PRAMEF4: variants seen among roughly 807,000 people sequenced by gnomAD.
PRAMEF4 encodes RP5-845O24.6.
In PRAMEF4, 18 loss-of-function variants were observed where a neutral mutation model predicts 34.4. That is an observed-to-expected ratio of 0.52 (90% CI 0.36 to 0.78). The LOEUF (loss-of-function observed/expected upper bound fraction) is 0.78. Among genes scored for constraint, PRAMEF4 ranks in the 30% least tolerant of loss-of-function variants. PRAMEF4 has a pLI of 0.00. For synonymous variants in PRAMEF4, 156 were observed against 219.3 expected (o/e 0.71, Z 2.55); for missense variants, 482 against 569.1 (o/e 0.85, Z 1.56).
At chr1:12,885,029 A>G (rs1569888474) in intron 1 of PRAMEF4, among the ~76,000 whole-genome samples, 1 of 150,604 alleles carries the variant, frequency 6.6e-6, no homozygotes, top group East Asian at 1.9e-4. Context: ...AAATTTATCA[A>G]AATATTTCAG....
At chr1:12,884,683 C>A (rs1472799858) in intron 1 of PRAMEF4, among the ~76,000 whole-genome samples, 1 of 147,568 alleles carries the variant, frequency 6.8e-6, no homozygotes, top group Non-Finnish European at 1.5e-5. Flanking sequence ...CCACTCCACT[C>A]CAGCCTGGGA....
At position 12,882,604 on chromosome 1, in the gene PRAMEF4, T is replaced by G. The variant is rs1457973465; in HGVS notation, c.294-169A>C. On this transcript the variant is annotated intron_variant, in intron 2 of 3. Transcript: ENST00000235349. Reference sequence around the variant, plus strand: ...CCCACTTCCACATTGTTTTGTTTTTTTTTTGAGACCAAGTCTCCCTGTGTC... The same window carrying G: ...CCCACTTCCACATTGTTTTGTTTTTGTTTTGAGACCAAGTCTCCCTGTGTC... 1.4e-5 allele frequency among the ~76,000 whole-genome samples: 2 copies of G among 147,320 alleles called. 1 individual carries two copies. The highest frequency in any genetic ancestry group is 3.0e-5 in the Non-Finnish European group (2 of 67,082).
chr1:12,880,576 A>C (rs559704419), intron 3 of PRAMEF4, among the ~76,000 whole-genome samples: 1 of 127,514 alleles, frequency 7.8e-6, no homozygotes, highest in South Asian at 2.5e-4. Context: ...ACTCTGTATT[A>C]AAAAAAAAAA....
chr1:12,884,987 A>C (rs1640972201), intron 1 of PRAMEF4, among the ~76,000 whole-genome samples: 1 of 150,516 alleles, frequency 6.6e-6, no homozygotes, highest in Non-Finnish European at 1.5e-5. Flanking sequence ...AAAACTTGAA[A>C]GTATCTTTGT....
rs200719928 is a variant in PRAMEF4 at position 12,882,629 on chromosome 1, C to T, written c.294-194G>A. On this transcript the variant is annotated intron_variant, in intron 2 of 3. Coordinates refer to ENST00000235349, the MANE Select transcript of PRAMEF4 (RefSeq NM_001009611.4). ...TTTTTGAGACCAAGTCTCCCTGTGT[C>T]GCCCAGGCTAGAGTGCAGTGGTGTG... 3.8e-4 allele frequency among the ~76,000 whole-genome samples: 56 copies of T among 147,358 alleles called. 4 individuals carry two copies. In the East Asian group the frequency reaches 0.011, roughly 28 times the overall value.
chr1:12,884,936 G>C (rs958399755), intron 1 of PRAMEF4, among the ~76,000 whole-genome samples: 1 of 150,192 alleles, frequency 6.7e-6, no homozygotes, highest in African/African-American at 2.5e-5. Flanking sequence ...TGTGAGACAG[G>C]GAAGGGTTGA....
rs769892351 is a variant in PRAMEF4 at position 12,881,977 on chromosome 1, G to A, written c.752C>T (p.Ser251Phe). The A allele has an allele frequency of 1.9e-6, 3 of 1,587,264 alleles. No individual in the cohort carries two copies. The highest frequency in any genetic ancestry group is 4.5e-5 in the East Asian group (2 of 44,260). Residue 251 changes from serine to phenylalanine, a missense_variant, in exon 3 of 4, where the codon TCC becomes TTC. Transcript: ENST00000235349. ...AACAATCTCCTTCTTCTGCTCTGGGGAAACGTAGCGAGAGACATCCATGTG... is the reference window on the plus strand; with the variant it reads ...AACAATCTCCTTCTTCTGCTCTGGGAAAACGTAGCGAGAGACATCCATGTG... The part of the protein sequence containing the change: ...LSHMDVSRYV[S>F]PEQKKEIVTQ...
At chr1:12,883,480 A>T in intron 1 of PRAMEF4, 70 bp from the exon 2 acceptor site, 1 of 1,580,766 alleles carries the variant, frequency 6.3e-7, no homozygotes, top group South Asian at 1.1e-5. Context: ...ATCCTCTCCT[A>T]TGGCCAAACT....
rs1487540817 is a variant in PRAMEF4, at chr1:12,883,493, C to G, written c.-16-83G>C. 70 of 1,553,996 alleles carry G rather than the reference C, an allele frequency of 4.5e-5. 4 individuals carry two copies. The highest frequency in any genetic ancestry group is 6.1e-5 in the Non-Finnish European group (70 of 1,143,492). ...TCATCCTCTCCTATGGCCAAACTCA[C>G]TGCTCTGGCAATGGTGAAAGAGTCC... On this transcript the variant is annotated intron_variant, in intron 1 of 3. Transcript: ENST00000235349.
chr1:12,882,996 T>C, intron 2 of PRAMEF4, 106 bp downstream of exon 2: 2 of 1,510,386 alleles, frequency 1.3e-6, no homozygotes, highest in Non-Finnish European at 9.0e-7. Context: ...CCTCTCGGCT[T>C]CCTCACCACC....
chr1:12,883,135 A>C lies in PRAMEF4; in HGVS notation c.260T>G (p.Leu87Arg). 1 of 1,601,584 alleles carries C rather than the reference A, an allele frequency of 6.2e-7. No individual in the cohort carries two copies. The highest frequency in any genetic ancestry group is 8.5e-7 in the Non-Finnish European group (1 of 1,174,252). The change falls in exon 2 of 4, where the codon CTG (leucine) becomes CGG (arginine). Residue 87 changes from leucine (L) to arginine (R), a missense_variant. This residue lies in a region of PRAMEF4 where 172 missense variants were observed against 130.2 expected (regional missense o/e 1.32). Transcript: ENST00000235349. ...LEAFQAVLDG[L>R]DALLNLGVRP... Reference sequence around the variant, plus strand: ...AACCCCTAGGTTAAGCAGTGCATCCAGCCCATCGAGCACAGCTTGGAAGGC... The same window carrying C: ...AACCCCTAGGTTAAGCAGTGCATCCCGCCCATCGAGCACAGCTTGGAAGGC...
chr1:12,883,477 C>A, intron 1 of PRAMEF4, 67 bp from the exon 2 acceptor site: 1 of 1,584,852 alleles, frequency 6.3e-7, no homozygotes, highest in Non-Finnish European at 8.6e-7. Context: ...CTCATCCTCT[C>A]CTATGGCCAA....
intron 3 of PRAMEF4, among the ~76,000 whole-genome samples, chr1:12,880,498 C>T (rs1482571651): frequency 2.0e-5 from 3 of 150,126 alleles, no homozygotes; most frequent in Non-Finnish European, 4.4e-5. Flanking sequence ...ATCGCTTGAA[C>T]CCAGGAGGTG....
intron 3 of PRAMEF4, among the ~76,000 whole-genome samples, chr1:12,881,485 ACTC>A (rs1375887683): frequency 1.3e-5 from 2 of 148,532 alleles, no homozygotes; most frequent in Non-Finnish European, 3.0e-5. Flanking sequence ...CTTGCCTCAG[ACTC>A]CCAAAGTGAT....
chr1:12,879,669 C>A lies in PRAMEF4; in HGVS notation c.1312G>T (p.Ala438Ser). 1.3e-6 allele frequency: 2 copies of A among 1,599,854 alleles called. No homozygotes were observed. Among genetic ancestry groups the A allele is most frequent in the Non-Finnish European group, 8.5e-7 (1 of 1,174,092 alleles). The change falls in exon 4 of 4, where the codon GCT (alanine) becomes TCT (serine). Residue 438 changes from alanine to serine, a missense_variant. Ala to Ser is a moderately conservative substitution (Grantham distance 99, BLOSUM62 1). Coordinates refer to ENST00000235349, the MANE Select transcript of PRAMEF4 (RefSeq NM_001009611.4). Reference protein sequence around the residue: ...LCWSRFAQIRAELMNRVRDLR... With the variant: ...LCWSRFAQIRSELMNRVRDLR... Reference sequence around the variant, plus strand: ...TCCCTCACTCTGTTCATCAGCTCAGCCCTAATTTGAGCAAATCTGCTCCAG... The same window carrying A: ...TCCCTCACTCTGTTCATCAGCTCAGACCTAATTTGAGCAAATCTGCTCCAG...
rs758578148 is a variant in PRAMEF4, at chr1:12,883,321, A to G, written c.74T>C (p.Leu25Ser). The change falls in exon 2 of 4, where the codon TTG becomes TCG. Residue 25 changes from leucine (L) to serine (S), a missense_variant. Physicochemically the swap from Leu to Ser is moderately radical, Grantham distance 145. This residue lies in a region of PRAMEF4 where 172 missense variants were observed against 130.2 expected (regional missense o/e 1.32). Transcript: ENST00000235349. ...CAGCTCCTCCAGGGTGGACATGGCC[A>G]AAGCTTGGTCCCTTAGCAGGCTCCG... ...AGRSLLRDQA[L>S]AMSTLEELPT... 2 of 1,600,086 alleles carry G rather than the reference A, an allele frequency of 1.2e-6. No homozygotes were observed. The highest frequency in any genetic ancestry group is 3.5e-5 in the Admixed American group (2 of 57,616).
In PRAMEF4 at chr1:12,879,598, A is replaced by C. The variant is rs1640844600; in HGVS notation, c.1383T>G (p.Pro461=). Residue 461 remains proline, a synonymous_variant, in exon 4 of 4, where the codon CCT becomes CCG. Transcript: ENST00000235349. ...CATAAAATGACCTGTTGCCACAGTC[A>C]GGGCAGTAGTCAGTACAGAACAAGA... ...KRILFCTDYC[P]DCGNRSFYDL... 4 of 1,588,542 alleles carry C rather than the reference A, an allele frequency of 2.5e-6. 1 individual carries two copies. Among genetic ancestry groups the C allele is most frequent in the Non-Finnish European group, 1.7e-6 (2 of 1,166,092 alleles).
intron 3 of PRAMEF4, among the ~76,000 whole-genome samples, chr1:12,881,418 C>T (rs1256764911): frequency 1.3e-5 from 2 of 149,078 alleles, no homozygotes; most frequent in African/African-American, 2.5e-5. Context: ...TCATTTCTGA[C>T]AGGGGTCTTG....
intron 1 of PRAMEF4, among the ~76,000 whole-genome samples, chr1:12,884,877 C>T (rs75420937): frequency 6.7e-5 from 10 of 149,806 alleles, no homozygotes; most frequent in African/African-American, 2.2e-4. Flanking sequence ...TCACTGATTC[C>T]CTTCACAAAC....
Sources: gnomAD v4.1 joint callset for allele counts (sites outside exome capture counted in the v4.1 genomes callset) on GRCh38, gnomAD v4.1.1 for gene constraint, gnomAD v4.1.1 regional missense constraint, MANE v1.5 for transcripts, NCBI Gene and HGNC (gene_info 2026-07-23, HGNC 2026-07-21) for gene names.